HPSE2: variants seen among roughly 807,000 people sequenced by gnomAD.
HPSE2 encodes inactive heparanase-2.
HPSE2 carries 38 observed loss-of-function variants against 60.5 expected under a neutral mutation model. That is an observed-to-expected ratio of 0.63 (90% CI 0.48 to 0.82). The LOEUF is 0.82. Ranked by LOEUF, HPSE2 falls within the 40% of genes least tolerant of loss-of-function variation. The probability of loss-of-function intolerance (pLI) is 0.00; values close to 1 mark genes in which losing one functional copy is unlikely to be tolerated. For synonymous variants in HPSE2, 295 were observed against 293.2 expected (o/e 1.01, Z -0.06); for missense variants, 713 against 740.4 (o/e 0.96, Z 0.43).
chr10:98,929,784 T>A (rs1954591206), intron 3 of HPSE2, among the ~76,000 whole-genome samples: 1 of 144,272 alleles, frequency 6.9e-6, no homozygotes, highest in African/African-American at 2.8e-5. Flanking sequence ...AAACAGCCCA[T>A]GAGCTGAGAA....
At chr10:99,063,493 G>T (rs1301604119) in intron 3 of HPSE2, among the ~76,000 whole-genome samples, 1 of 152,132 alleles carries the variant, frequency 6.6e-6, no homozygotes, top group Non-Finnish European at 1.5e-5. Context: ...ATGGTGTGGA[G>T]AAAAAGGATA....
At chr10:98,612,517 G>C (rs1419664056) in intron 9 of HPSE2, among the ~76,000 whole-genome samples, 1 of 152,130 alleles carries the variant, frequency 6.6e-6, no homozygotes, top group Non-Finnish European at 1.5e-5. Flanking sequence ...AACTCCAAGA[G>C]TTCAGCAACC....
intron 3 of HPSE2, among the ~76,000 whole-genome samples, chr10:98,955,706 C>T (rs773630692): frequency 1.3e-4 from 20 of 152,134 alleles, no homozygotes; most frequent in Admixed American, 3.9e-4. Context: ...CGAATCAACC[C>T]AAATGCCCAT....
chr10:99,226,527 C>T (rs990735200), intron 2 of HPSE2, among the ~76,000 whole-genome samples: 1 of 151,932 alleles, frequency 6.6e-6, no homozygotes, highest in Non-Finnish European at 1.5e-5. Flanking sequence ...TGGTGAAGTG[C>T]CCTTCTCATT....
At chr10:99,000,019 A>C (rs1197163993) in intron 3 of HPSE2, among the ~76,000 whole-genome samples, 1 of 152,164 alleles carries the variant, frequency 6.6e-6, no homozygotes, top group Non-Finnish European at 1.5e-5. Flanking sequence ...ATGGCAAACT[A>C]GGACAGAATG....
intron 6 of HPSE2, among the ~76,000 whole-genome samples, chr10:98,688,492 T>TTTTTTTTTTTTTTTTTTTTTTTTC (rs1397644993): frequency 6.9e-6 from 1 of 145,320 alleles, no homozygotes; most frequent in Non-Finnish European, 1.5e-5. Flanking sequence ...TTTTTTTTTT[T>TTTTTTTTTTTTTTTTTTTTTTTTC]TGAGGCAGAA....
chr10:98,576,266 A>T (rs535697001), intron 9 of HPSE2, among the ~76,000 whole-genome samples: 1 of 151,206 alleles, frequency 6.6e-6, no homozygotes, highest in Non-Finnish European at 1.5e-5. Context: ...GGCGGATTAC[A>T]TTTTCCAAAG....
intron 3 of HPSE2, among the ~76,000 whole-genome samples, chr10:98,761,737 G>A (rs1196542664): frequency 1.3e-5 from 2 of 152,110 alleles, no homozygotes; most frequent in African/African-American, 4.8e-5. Flanking sequence ...ACAGTAGCAA[G>A]CGGACTGGGG....
chr10:98,948,737 C>A (rs1955262836), intron 3 of HPSE2, among the ~76,000 whole-genome samples: 1 of 152,108 alleles, frequency 6.6e-6, no homozygotes, highest in Non-Finnish European at 1.5e-5. Context: ...TCACCCTCTG[C>A]CACCCTGAGA....
intron 2 of HPSE2, among the ~76,000 whole-genome samples, chr10:99,228,906 G>A (rs971031572): frequency 1.3e-5 from 2 of 151,946 alleles, no homozygotes; most frequent in Non-Finnish European, 1.5e-5. Flanking sequence ...AGGCACAGTG[G>A]CTCATGTCTG....
At chr10:98,696,882 A>C (rs1948236302) in intron 5 of HPSE2, among the ~76,000 whole-genome samples, 1 of 152,192 alleles carries the variant, frequency 6.6e-6, no homozygotes, top group Non-Finnish European at 1.5e-5. Context: ...ACCCCCAGTG[A>C]ACCGCAGCAG....
intron 11 of HPSE2, among the ~76,000 whole-genome samples, chr10:98,461,290 G>A (rs1940276868): frequency 1.3e-5 from 2 of 152,256 alleles, no homozygotes; most frequent in South Asian, 4.1e-4. Flanking sequence ...GCTAGGTCCA[G>A]ATCTGATAGG....
chr10:99,080,589 C>T (rs1018869018), intron 3 of HPSE2, among the ~76,000 whole-genome samples: 2 of 152,142 alleles, frequency 1.3e-5, no homozygotes, highest in African/African-American at 4.8e-5. Flanking sequence ...CTTAGGGATG[C>T]CAAGTCTACA....
chr10:98,566,282 G>A (rs532503406), intron 9 of HPSE2, among the ~76,000 whole-genome samples: 2 of 152,248 alleles, frequency 1.3e-5, no homozygotes, highest in East Asian at 3.9e-4. Context: ...CTAGGACTTG[G>A]CTCTGACTGC....
chr10:99,013,862 T>G (rs1435089761), intron 3 of HPSE2: 1 of 334,730 alleles, frequency 3.0e-6, no homozygotes, highest in African/African-American at 2.2e-5. Context: ...TAAAGGATGG[T>G]AGTTTTCCCT....
At chr10:98,753,949 T>C (rs76159174) in intron 3 of HPSE2, among the ~76,000 whole-genome samples, 195 of 152,036 alleles carry the variant, frequency 1.3e-3, no homozygotes, top group Non-Finnish European at 1.9e-3. Flanking sequence ...AAACCCAGAG[T>C]GTCTTCTTAC....
At chr10:98,513,010 C>T (rs1163803937) in intron 9 of HPSE2, among the ~76,000 whole-genome samples, 2 of 152,186 alleles carry the variant, frequency 1.3e-5, no homozygotes, top group African/African-American at 4.8e-5. Context: ...TTTGTATTTA[C>T]ATATTTATTG....
intron 3 of HPSE2, among the ~76,000 whole-genome samples, chr10:98,802,589 C>A (rs1021605601): frequency 1.3e-5 from 2 of 149,440 alleles, no homozygotes; most frequent in African/African-American, 4.9e-5. Flanking sequence ...TTTGTTCTTG[C>A]GATAGTTTAC....
intron 9 of HPSE2, among the ~76,000 whole-genome samples, chr10:98,512,844 G>C (rs76866370): frequency 9.6e-4 from 21 of 21,840 alleles, no homozygotes; most frequent in South Asian, 5.9e-3. Flanking sequence ...CACACACACA[G>C]GCACACTTTG....
Sources: gnomAD v4.1 joint callset for allele counts (sites outside exome capture counted in the v4.1 genomes callset) on GRCh38, gnomAD v4.1.1 for gene constraint, MANE v1.5 for transcripts, NCBI Gene and HGNC (gene_info 2026-07-23, HGNC 2026-07-21) for gene names.